DEK: variants seen among roughly 807,000 people sequenced by gnomAD.
The protein encoded by DEK is DEK proto-oncogene.
Under a neutral mutation model 46.8 loss-of-function variants are expected in DEK, and 28 were observed. The observed-to-expected ratio is 0.60, with a 90% CI of 0.44 to 0.82. DEK has a LOEUF of 0.82. Ranked by LOEUF, DEK falls within the 40% of genes least tolerant of loss-of-function variation. The probability of loss-of-function intolerance (pLI) is 0.00; values close to 1 mark genes in which losing one functional copy is unlikely to be tolerated. For missense variants in DEK, 416 were observed against 430.6 expected, an observed-to-expected ratio of 0.97 and a Z score of 0.30; for synonymous variants, 160 against 144.5, an observed-to-expected ratio of 1.11 and a Z score of -0.77.
intron 7 of DEK, among the ~76,000 whole-genome samples, chr6:18,242,215 TAGTC>T (rs986411481): frequency 1.2e-4 from 18 of 152,206 alleles, no homozygotes; most frequent in African/African-American, 3.9e-4. Flanking sequence ...TACAAAAAAT[TAGTC>T]AGGCGTGGTG....
intron 9 of DEK, among the ~76,000 whole-genome samples, chr6:18,230,224 G>A (rs2151077417): frequency 6.6e-6 from 1 of 152,218 alleles, no homozygotes; most frequent in South Asian, 2.1e-4. Flanking sequence ...AGCTCCTGAA[G>A]GAAGCACTAA....
intron 9 of DEK, among the ~76,000 whole-genome samples, chr6:18,229,673 G>GGAGAAAAAA (rs751346179): frequency 5.3e-4 from 80 of 152,004 alleles, no homozygotes; most frequent in Non-Finnish European, 7.5e-4. Context: ...AGAGAAGTCT[G>GGAGAAAAAA]GAGAAAAAAG....
intron 2 of DEK, among the ~76,000 whole-genome samples, chr6:18,259,270 C>T (rs1204370679): frequency 6.6e-6 from 1 of 151,348 alleles, no homozygotes; most frequent in Non-Finnish European, 1.5e-5. Flanking sequence ...TGGCTGGTGC[C>T]TGTAGTCCCA....
intron 7 of DEK, among the ~76,000 whole-genome samples, chr6:18,241,551 G>A (rs1010551533): frequency 2.0e-5 from 3 of 152,142 alleles, no homozygotes; most frequent in Non-Finnish European, 4.4e-5. Context: ...GAAGCTGTAA[G>A]AACAAGGGTG....
chr6:18,256,784 T>C (rs1487566198), intron 4 of DEK, among the ~76,000 whole-genome samples: 1 of 152,206 alleles, frequency 6.6e-6, no homozygotes. Context: ...AAAGTTACTA[T>C]TTAAAAATAT....
intron 7 of DEK, among the ~76,000 whole-genome samples, chr6:18,247,953 T>G (rs2151088033): frequency 6.6e-6 from 1 of 152,296 alleles, no homozygotes; most frequent in East Asian, 1.9e-4. Context: ...ATTACAGGCA[T>G]GGGTCACCAT....
At chr6:18,239,231 C>T (rs1486659940) in intron 7 of DEK, among the ~76,000 whole-genome samples, 3 of 151,848 alleles carry the variant, frequency 2.0e-5, no homozygotes, top group Non-Finnish European at 2.9e-5. Flanking sequence ...GCCAAGTCAA[C>T]CTGTTTTTAA....
intron 2 of DEK, among the ~76,000 whole-genome samples, chr6:18,263,034 A>C (rs1791948186): frequency 6.6e-6 from 1 of 152,202 alleles, no homozygotes; most frequent in African/African-American, 2.4e-5. Context: ...ATATCAAAGA[A>C]TGCTAAGAGA....
chr6:18,239,905 AT>A (rs1229143108), intron 7 of DEK, among the ~76,000 whole-genome samples: 2 of 152,224 alleles, frequency 1.3e-5, no homozygotes, highest in African/African-American at 4.8e-5. Flanking sequence ...TACAATAATC[AT>A]GATTATATAT....
At chr6:18,262,958 C>T (rs1210512383) in intron 2 of DEK, among the ~76,000 whole-genome samples, 1 of 152,100 alleles carries the variant, frequency 6.6e-6, no homozygotes, top group Non-Finnish European at 1.5e-5. Flanking sequence ...TTAGGAAGAG[C>T]GCTTCAACCT....
At chr6:18,264,061 AC>A (rs1000408671) in intron 1 of DEK, 65 bp from the exon 2 acceptor site, 13 of 1,443,262 alleles carry the variant, frequency 9.0e-6, no homozygotes, top group African/African-American at 4.3e-5. Context: ...CCGGGCGGCC[AC>A]CCTGAATGAT....
rs564059963 is a variant in DEK, at chr6:18,255,374, T to TA, written c.573+356dup. Among the ~76,000 whole-genome samples the TA allele has an allele frequency of 1.7e-3, 260 of 152,324 alleles. 2 individuals carry two copies. The highest frequency in any genetic ancestry group is 2.7e-3 in the Non-Finnish European group (186 of 68,016). The stretch of plus-strand genomic sequence containing the variant: ...ACTCCCTATTTTGTCTTCACTTGAT[T>TA]ACAGGTTGCACCCCTTCCCTCCAGC... On this transcript the variant is annotated intron_variant, in intron 6 of 10. Coordinates refer to ENST00000652689, the MANE Select transcript of DEK (RefSeq NM_003472.4).
intron 9 of DEK, among the ~76,000 whole-genome samples, chr6:18,231,404 C>A (rs904454507): frequency 6.6e-6 from 1 of 152,036 alleles, no homozygotes; most frequent in Non-Finnish European, 1.5e-5. Flanking sequence ...CACAAAAAAA[C>A]CTTCAAAAAA....
chr6:18,228,579 G>A (rs942998700), intron 9 of DEK, among the ~76,000 whole-genome samples: 3 of 152,284 alleles, frequency 2.0e-5, no homozygotes, highest in East Asian at 1.9e-4. Context: ...GCAAGGCATC[G>A]CCTCACCTGG....
chr6:18,261,879 T>C (rs1213613969), intron 2 of DEK, among the ~76,000 whole-genome samples: 5 of 152,320 alleles, frequency 3.3e-5, no homozygotes, highest in Middle Eastern at 3.4e-3. Flanking sequence ...TCTTGAAATG[T>C]GAGAAACATA....
chr6:18,231,490 G>C (rs1790412432), intron 9 of DEK, among the ~76,000 whole-genome samples: 2 of 152,024 alleles, frequency 1.3e-5, no homozygotes, highest in Non-Finnish European at 2.9e-5. Flanking sequence ...AATAAGAAAA[G>C]AGAGAAGAAT....
intron 6 of DEK, among the ~76,000 whole-genome samples, chr6:18,254,999 G>T (rs1448324913): frequency 6.6e-6 from 1 of 152,224 alleles, no homozygotes; most frequent in Admixed American, 6.5e-5. Flanking sequence ...GCATTCCCCT[G>T]AACTCCTAGG....
At chr6:18,225,802 A>G (rs371844223) in intron 10 of DEK, 72 bp from the exon 11 acceptor site, 43 of 1,571,418 alleles carry the variant, frequency 2.7e-5, no homozygotes, top group Admixed American at 5.1e-5. Context: ...CATCTATTTT[A>G]CTATTTTGTC....
In DEK at chr6:18,225,116, C is replaced by T. The variant is rs1790052813; in HGVS notation, c.*603G>A. On this transcript the variant is annotated 3_prime_UTR_variant, in exon 11 of 11. Transcript: ENST00000652689. ...AAAAGAAATAAAAAAACTTTATATA[C>T]AACCAATTGTTTTTTAAAAATACAA... 2 of 216,010 alleles carry T rather than the reference C, an allele frequency of 9.3e-6. No individual in the cohort carries two copies. The highest frequency in any genetic ancestry group is 1.9e-4 in the South Asian group (1 of 5,402). 13.4% of individuals were successfully genotyped at this position (216,010 alleles called of 1,614,324 possible).
Sources: gnomAD v4.1 joint callset for allele counts (sites outside exome capture counted in the v4.1 genomes callset) on GRCh38, gnomAD v4.1.1 for gene constraint, MANE v1.5 for transcripts, NCBI Gene and HGNC (gene_info 2026-07-23, HGNC 2026-07-21) for gene names.